The following PARD3 variants were observed in gnomAD, a reference collection of about 807,000 sequenced individuals.
The protein encoded by PARD3 is partitioning defective 3 homolog.
In PARD3, 75 loss-of-function variants were observed where a neutral mutation model predicts 155.4. The ratio of observed to expected loss-of-function variants is 0.48; its 90% CI spans 0.40 to 0.58. The LOEUF (loss-of-function observed/expected upper bound fraction) is 0.58, where lower values mean the gene tolerates loss of function less well. PARD3 is among the 20% of genes least tolerant of loss of function. The pLI, the probability that PARD3 is intolerant of heterozygous loss-of-function variation, is 0.00. For missense variants in PARD3, 1,642 were observed against 1,721.7 expected (o/e 0.95, Z 0.82); for synonymous variants, 576 against 610.5 (o/e 0.94, Z 0.83).
intron 21 of PARD3, among the ~76,000 whole-genome samples, chr10:34,280,594 G>T (rs1956110348): frequency 1.3e-5 from 2 of 152,180 alleles, no homozygotes; most frequent in African/African-American, 4.8e-5. Context: ...AGAAAGTAGA[G>T]ACAGGTTACA....
rs189038382 is a variant in PARD3 at position 34,752,264 on chromosome 10, T to C, written c.121-55845A>G. 1.2e-4 allele frequency among the ~76,000 whole-genome samples: 18 copies of C among 151,694 alleles called. No homozygotes were observed. In the East Asian group the frequency reaches 3.3e-3, roughly 28 times the overall value. ...ATTAAAATAAGTATGTGCATTCTTT[T>C]TGCCTTTAGCTTAAAAAAAAAAAAA... is the stretch of plus-strand genomic sequence containing the variant. On this transcript the variant is annotated intron_variant, in intron 1 of 24. Coordinates refer to ENST00000374788, the MANE Select transcript of PARD3 (RefSeq NM_001184785.2).
At chr10:34,673,149 G>A (rs1242270037) in intron 2 of PARD3, among the ~76,000 whole-genome samples, 1 of 151,986 alleles carries the variant, frequency 6.6e-6, no homozygotes, top group Non-Finnish European at 1.5e-5. Context: ...GGGAAGCACC[G>A]GAAGAATTAA....
intron 5 of PARD3, among the ~76,000 whole-genome samples, chr10:34,427,611 T>G (rs2075687430): frequency 6.6e-6 from 1 of 152,188 alleles, no homozygotes; most frequent in African/African-American, 2.4e-5. Flanking sequence ...TTTGTTGCCC[T>G]TAAAGCATGT....
chr10:34,137,822 G>A (rs1359592877), intron 22 of PARD3, among the ~76,000 whole-genome samples: 7 of 152,158 alleles, frequency 4.6e-5, no homozygotes, highest in African/African-American at 1.7e-4. Context: ...CTCTGTAGAT[G>A]TCTGAGCAAA....
intron 5 of PARD3, among the ~76,000 whole-genome samples, chr10:34,415,311 C>A (rs1845558328): frequency 6.6e-6 from 1 of 152,076 alleles, no homozygotes; most frequent in South Asian, 2.1e-4. Flanking sequence ...ACAGTCGGCT[C>A]AGGGGAAGGG....
intron 24 of PARD3, among the ~76,000 whole-genome samples, chr10:34,118,447 C>T (rs563463422): frequency 3.9e-5 from 6 of 152,326 alleles, no homozygotes; most frequent in African/African-American, 1.4e-4. Context: ...CAGGCTCAAG[C>T]GATCCTCCCA....
At chr10:34,282,218 AAAGTCAAAGT>A (rs749621918) in intron 21 of PARD3, among the ~76,000 whole-genome samples, 2 of 152,072 alleles carry the variant, frequency 1.3e-5, no homozygotes, top group Non-Finnish European at 2.9e-5. Flanking sequence ...ATTGAAATAC[AAAGTCAAAGT>A]ATAATAATTT....
intron 23 of PARD3, among the ~76,000 whole-genome samples, chr10:34,127,401 C>G (rs1947345173): frequency 6.6e-6 from 1 of 152,154 alleles, no homozygotes; most frequent in Non-Finnish European, 1.5e-5. Flanking sequence ...TGATGTGGTC[C>G]TCACAGCTCC....
At chr10:34,740,716 T>C (rs1397873382) in intron 1 of PARD3, among the ~76,000 whole-genome samples, 1 of 152,106 alleles carries the variant, frequency 6.6e-6, no homozygotes, top group African/African-American at 2.4e-5. Context: ...CCTCCCCTCT[T>C]TTCCTACTGA....
At chr10:34,481,699 T>C (rs990696426) in intron 3 of PARD3, among the ~76,000 whole-genome samples, 8 of 152,212 alleles carry the variant, frequency 5.3e-5, no homozygotes, top group Non-Finnish European at 1.0e-4. Flanking sequence ...CCAATACATA[T>C]TTGATTAGCA....
At chr10:34,524,538 T>C (rs886219167) in intron 2 of PARD3, among the ~76,000 whole-genome samples, 8 of 152,176 alleles carry the variant, frequency 5.3e-5, no homozygotes. Context: ...GTTCAACTAA[T>C]AGCCTTGAGT....
chr10:34,145,058 T>C (rs1474059742), intron 22 of PARD3, among the ~76,000 whole-genome samples: 1 of 151,734 alleles, frequency 6.6e-6, no homozygotes, highest in African/African-American at 2.4e-5. Context: ...TGGCTAGGTA[T>C]GGAATTTCAG....
At chr10:34,624,473 C>A (rs2132745293) in intron 2 of PARD3, among the ~76,000 whole-genome samples, 1 of 152,354 alleles carries the variant, frequency 6.6e-6, no homozygotes, top group East Asian at 1.9e-4. Flanking sequence ...TGTTCATGTA[C>A]CCAGAGCAGA....
intron 2 of PARD3, among the ~76,000 whole-genome samples, chr10:34,602,261 T>C (rs914749922): frequency 2.6e-5 from 4 of 152,356 alleles, no homozygotes; most frequent in Non-Finnish European, 5.9e-5. Context: ...AATTTCAATG[T>C]TACTAAAAAC....
intron 2 of PARD3, among the ~76,000 whole-genome samples, chr10:34,560,947 G>C (rs1188362484): frequency 6.6e-6 from 1 of 152,104 alleles, no homozygotes; most frequent in South Asian, 2.1e-4. Context: ...TTCCCTCTGG[G>C]CATGTGCGCA....
intron 18 of PARD3, among the ~76,000 whole-genome samples, chr10:34,334,821 T>A (rs927540767): frequency 6.6e-6 from 1 of 151,908 alleles, no homozygotes; most frequent in Non-Finnish European, 1.5e-5. Context: ...TTGAAACTTA[T>A]GTAATGACTT....
At chr10:34,192,914 T>C (rs1267618456) in intron 22 of PARD3, among the ~76,000 whole-genome samples, 1 of 152,150 alleles carries the variant, frequency 6.6e-6, no homozygotes, top group Non-Finnish European at 1.5e-5. Flanking sequence ...GTTTTTGAGG[T>C]AAAGGCATTA....
intron 12 of PARD3, among the ~76,000 whole-genome samples, chr10:34,364,969 C>T (rs1456435698): frequency 6.6e-6 from 1 of 152,174 alleles, no homozygotes; most frequent in African/African-American, 2.4e-5. Flanking sequence ...CCAACAAATA[C>T]TGCTTTGCCA....
rs12355985 is a variant in PARD3 at position 34,815,098 on chromosome 10, G to A, written c.-103C>T. The A allele has an allele frequency of 0.14, 98,869 of 702,114 alleles. 8,567 individuals carry two copies. The highest frequency in any genetic ancestry group is 0.44 in the East Asian group (5,706 of 12,984). 43.5% of individuals were successfully genotyped at this position (702,114 alleles called of 1,614,324 possible). On this transcript the variant is annotated 5_prime_UTR_variant, in exon 1 of 25. Coordinates refer to ENST00000374788, the MANE Select transcript of PARD3 (RefSeq NM_001184785.2). Reference sequence around the variant, plus strand: ...GGCGCGGAGGAGCCGCTGGGGACTCGGGCGCGCGGGCGGCTAGGGGCGCGG... The same window carrying A: ...GGCGCGGAGGAGCCGCTGGGGACTCAGGCGCGCGGGCGGCTAGGGGCGCGG...
Sources: gnomAD v4.1 joint callset for allele counts (sites outside exome capture counted in the v4.1 genomes callset) on GRCh38, gnomAD v4.1.1 for gene constraint, MANE v1.5 for transcripts, NCBI Gene and HGNC (gene_info 2026-07-23, HGNC 2026-07-21) for gene names.